Variants in PPP1R12A observed in about 807,000 individuals in gnomAD.
PPP1R12A encodes myosin binding subunit.
A neutral mutation model predicts 139.6 loss-of-function variants in PPP1R12A; 19 were observed. That is an observed-to-expected ratio of 0.14 (90% CI 0.09 to 0.20). The LOEUF (loss-of-function observed/expected upper bound fraction) is 0.20, where lower values mean the gene tolerates loss of function less well. Among genes scored for constraint, PPP1R12A ranks in the 10% least tolerant of loss-of-function variants. The pLI is 1.00. For missense variants in PPP1R12A, 925 were observed against 1,211.5 expected (o/e 0.76, Z 3.51); for synonymous variants, 427 against 420.6 (o/e 1.02, Z -0.19).
At chr12:79,777,559 G>T (rs541513636) in intron 24 of PPP1R12A, 2 of 984,942 alleles carry the variant, frequency 2.0e-6, no homozygotes, top group African/African-American at 3.5e-5. Context: ...AACCCTGAGC[G>T]CTTGGCTACC....
Position 79,849,534 on chromosome 12 carries a change from G to T in PPP1R12A, c.369-4114C>A, listed in dbSNP as rs144636112. Among the ~76,000 whole-genome samples, 800 of 152,270 alleles carry T rather than the reference G, an allele frequency of 5.3e-3. 8 individuals carry two copies. Among genetic ancestry groups the T allele is most frequent in the African/African-American group, 0.017 (716 of 41,538 alleles). On this transcript the variant is annotated intron_variant, in intron 2 of 24. Transcript: ENST00000450142. Reference sequence around the variant, plus strand: ...GATTTCCTTCAGAACAAAAGCTGGGGTATTAGAAGCTACTTGTGTGGCTAT... The same window carrying T: ...GATTTCCTTCAGAACAAAAGCTGGGTTATTAGAAGCTACTTGTGTGGCTAT...
intron 9 of PPP1R12A, among the ~76,000 whole-genome samples, chr12:79,810,858 T>C (rs1207888191): frequency 6.6e-6 from 1 of 151,978 alleles, no homozygotes; most frequent in East Asian, 1.9e-4. Context: ...CAAAAACTAG[T>C]AACTGATATT....
At chr12:79,923,744 T>C (rs942199224) in intron 1 of PPP1R12A, among the ~76,000 whole-genome samples, 8 of 152,118 alleles carry the variant, frequency 5.3e-5, no homozygotes, top group African/African-American at 1.9e-4. Context: ...AAGCCATGTT[T>C]AAAAATAAAA....
At chr12:79,779,360 T>A in intron 23 of PPP1R12A, 1 of 1,288,954 alleles carries the variant, frequency 7.8e-7, no homozygotes. Context: ...ACCTTTCAGA[T>A]ACAAACCATT....
chr12:79,890,848 T>C (rs1210724525), intron 1 of PPP1R12A, among the ~76,000 whole-genome samples: 2 of 151,222 alleles, frequency 1.3e-5, no homozygotes, highest in African/African-American at 4.9e-5. Flanking sequence ...TACTCCAGTA[T>C]ACATAGGTAA....
At chr12:79,894,638 G>A (rs971757679) in intron 1 of PPP1R12A, among the ~76,000 whole-genome samples, 23 of 151,798 alleles carry the variant, frequency 1.5e-4, no homozygotes, top group African/African-American at 5.3e-4. Flanking sequence ...TATATAAATC[G>A]TTGATATTGC....
chr12:79,838,662 G>A (rs1029255091), intron 3 of PPP1R12A, among the ~76,000 whole-genome samples: 2 of 152,198 alleles, frequency 1.3e-5, no homozygotes, highest in African/African-American at 4.8e-5. Flanking sequence ...TCAGGCCATC[G>A]CTTCAGAGGA....
chr12:79,927,772 C>A (rs944543698), intron 1 of PPP1R12A, among the ~76,000 whole-genome samples: 1 of 152,174 alleles, frequency 6.6e-6, no homozygotes, highest in Non-Finnish European at 1.5e-5. Flanking sequence ...CTCAATAAAA[C>A]ACTGATTAAG....
At chr12:79,846,524 G>C (rs1879419318) in intron 2 of PPP1R12A, among the ~76,000 whole-genome samples, 1 of 151,864 alleles carries the variant, frequency 6.6e-6, no homozygotes, top group Non-Finnish European at 1.5e-5. Context: ...CCACCTCCCA[G>C]GTTCATGCCA....
intron 2 of PPP1R12A, among the ~76,000 whole-genome samples, chr12:79,858,091 A>G (rs1245170947): frequency 6.6e-6 from 1 of 152,226 alleles, no homozygotes; most frequent in Admixed American, 6.5e-5. Context: ...TTGTACTAAT[A>G]AAGTATTCTT....
At chr12:79,789,362 T>C (rs1871517260) in intron 20 of PPP1R12A, among the ~76,000 whole-genome samples, 1 of 152,222 alleles carries the variant, frequency 6.6e-6, no homozygotes, top group African/African-American at 2.4e-5. Context: ...CATTTTAATA[T>C]TTCCAAAACC....
chr12:79,889,616 C>T (rs939606416), intron 1 of PPP1R12A, among the ~76,000 whole-genome samples: 1 of 152,146 alleles, frequency 6.6e-6, no homozygotes, highest in African/African-American at 2.4e-5. Flanking sequence ...TCCTTGAATA[C>T]AAATCAGCCC....
Position 79,815,053 on chromosome 12 carries a change from T to C in PPP1R12A, c.1239+2341A>G, listed in dbSNP as rs983099804. Among the ~76,000 whole-genome samples the C allele has an allele frequency of 5.3e-5, 8 of 152,232 alleles. No individual in the cohort carries two copies. In the South Asian group the frequency reaches 1.7e-3, roughly 32 times the overall value. On this transcript the variant is annotated intron_variant, in intron 9 of 24. Coordinates refer to ENST00000450142, the MANE Select transcript of PPP1R12A (RefSeq NM_002480.3). The stretch of plus-strand genomic sequence containing the variant: ...AATAAGAACTTTTACAGCAAAGAGA[T>C]TACTGGCCCACTATACTAACAGAGG...
intron 9 of PPP1R12A, among the ~76,000 whole-genome samples, chr12:79,811,701 G>A (rs367801583): frequency 5.3e-5 from 8 of 152,244 alleles, no homozygotes; most frequent in African/African-American, 1.9e-4. Context: ...GATTGAGTGT[G>A]GCTGTAACCA....
At chr12:79,916,490 TATTGG>T (rs1238116049) in intron 1 of PPP1R12A, among the ~76,000 whole-genome samples, 2 of 152,218 alleles carry the variant, frequency 1.3e-5, no homozygotes, top group South Asian at 2.1e-4. Flanking sequence ...CATTATCTCC[TATTGG>T]ATTGTTTAAA....
chr12:79,845,351 C>T lies in PPP1R12A; in HGVS notation c.438G>A (p.Ala146=), dbSNP rs554396604. Residue 146 remains alanine, a synonymous_variant, in exon 3 of 25, where the codon GCG becomes GCA. Coordinates refer to ENST00000450142, the MANE Select transcript of PPP1R12A (RefSeq NM_002480.3). ...NSEGDTPLDI[A]EEEAMEELLQ... is the part of the protein sequence containing the mutation. ...GTAGCTCTTCCATTGCCTCCTCCTC[C>T]GCAATATCTAAAGGTGTATCTCCTT... 52 of 1,613,570 alleles carry T rather than the reference C, an allele frequency of 3.2e-5. No homozygotes were observed. Among genetic ancestry groups the T allele is most frequent in the Middle Eastern group, 1.6e-4 (1 of 6,062 alleles).
intron 22 of PPP1R12A, among the ~76,000 whole-genome samples, chr12:79,785,335 G>A (rs999663775): frequency 1.3e-5 from 2 of 152,124 alleles, no homozygotes; most frequent in South Asian, 2.1e-4. Flanking sequence ...AGTAGCTACC[G>A]TGCACAGACA....
At chr12:79,806,557 T>C (rs1873861740) in intron 12 of PPP1R12A, among the ~76,000 whole-genome samples, 1 of 152,206 alleles carries the variant, frequency 6.6e-6, no homozygotes, top group South Asian at 2.1e-4. Context: ...CCCAACTTTC[T>C]CAACAAGACA....
intron 1 of PPP1R12A, chr12:79,878,163 A>C (rs904992945): frequency 9.2e-5 from 14 of 152,016 alleles, no homozygotes; most frequent in Admixed American, 7.9e-4. Flanking sequence ...TGTATACTTA[A>C]GAGTTGTATA....
Sources: allele counts gnomAD v4.1 joint callset (sites outside exome capture counted in the v4.1 genomes callset), GRCh38; gene constraint gnomAD v4.1.1; transcripts MANE v1.5; gene names NCBI Gene and HGNC (gene_info 2026-07-23, HGNC 2026-07-21).